The following KCNV2 variants were observed in gnomAD, a reference collection of about 807,000 sequenced individuals.
KCNV2 encodes potassium voltage-gated channel subfamily V member 2.
KCNV2 carries 65 observed loss-of-function variants against 37.0 expected under a neutral mutation model. The observed-to-expected ratio is 1.76, with a 90% CI of 1.44 to 2.16. KCNV2 has a LOEUF of 2.16. KCNV2 is among the 30% of genes most tolerant of loss of function. The pLI, the probability that KCNV2 is intolerant of heterozygous loss-of-function variation, is 0.00. For missense variants in KCNV2, 1,232 were observed against 766.7 expected, an observed-to-expected ratio of 1.61 and a Z score of -7.17; for synonymous variants, 518 against 328.6, an observed-to-expected ratio of 1.58 and a Z score of -6.23.
rs1323360792 is a variant in KCNV2, at chr9:2,729,654, A to C, written c.1565A>C (p.Gln522Pro). 1 of 1,614,160 alleles carries C rather than the reference A, an allele frequency of 6.2e-7. No individual in the cohort carries two copies. The highest frequency in any genetic ancestry group is 1.7e-5 in the Admixed American group (1 of 60,016). ...RRERGEVNFMQRARKKIAECL... is the reference protein window; with the variant it reads ...RRERGEVNFMPRARKKIAECL... The stretch of plus-strand genomic sequence containing the variant: ...GAGAGGGGAGAGGTGAACTTCATGC[A>C]GAGAGCCAGAAAGAAGATAGCTGAG... The change falls in exon 2 of 2, where the codon CAG becomes CCG. Residue 522 changes from glutamine to proline, a missense_variant. Physicochemically the swap from Gln to Pro is moderately conservative, Grantham distance 76 (BLOSUM62 -1). Transcript: ENST00000382082.
At chr9:2,719,128 C>T in intron 1 of KCNV2, 33 bp downstream of exon 1, 1 of 1,601,378 alleles carries the variant, frequency 6.2e-7, no homozygotes, top group African/African-American at 1.3e-5. Flanking sequence ...TTCCCATCCT[C>T]TTCCCCAGCC....
chr9:2,723,797 G>T (rs977872017), intron 1 of KCNV2, among the ~76,000 whole-genome samples: 1 of 152,200 alleles, frequency 6.6e-6, no homozygotes, highest in African/African-American at 2.4e-5. Flanking sequence ...GAGAACTTCT[G>T]AGAGTCCAGA....
Position 2,717,808 on chromosome 9 carries a change from C to CA in KCNV2, c.70dup (p.Ser24LysfsTer29). ...CCTGGAACACGACGGAGAATGAGGG[C>CA]AGCCAACACCGCAGGAGCATTTGCT... On this transcript the variant is annotated frameshift_variant, in exon 1 of 2. Transcript: ENST00000382082. LOFTEE classifies it high-confidence loss of function. The CA allele has an allele frequency of 6.2e-7, 1 of 1,614,222 alleles. No homozygotes were observed. The highest frequency in any genetic ancestry group is 8.5e-7 in the Non-Finnish European group (1 of 1,180,028).
At position 2,718,152 on chromosome 9, in the gene KCNV2, T is replaced by C; in HGVS notation, c.413T>C (p.Leu138Pro). ...ACCAGCCGCAGCCGCCAGCTAAGCC[T>C]GTGCGACGACTACGAGGAGCAGACA... ...TSTSRSRQLS[L>P]CDDYEEQTDE... Residue 138 changes from leucine (L) to proline (P), a missense_variant, in exon 1 of 2, where the codon CTG becomes CCG. By Grantham distance (98) the Leu-to-Pro change is moderately conservative. Coordinates refer to ENST00000382082, the MANE Select transcript of KCNV2 (RefSeq NM_133497.4). The C allele has an allele frequency of 6.2e-7, 1 of 1,611,786 alleles. No individual in the cohort carries two copies. Among genetic ancestry groups the C allele is most frequent in the African/African-American group, 1.3e-5 (1 of 75,040 alleles).
At position 2,729,760 on chromosome 9, in the gene KCNV2, T is replaced by A. The variant is rs1448453604; in HGVS notation, c.*33T>A. ...TAGGACATGTGGCTGGTAGATTCCA[T>A]GAACTTCAAGGCTTCATTGCTCTTT... On this transcript the variant is annotated 3_prime_UTR_variant, in exon 2 of 2. Transcript: ENST00000382082. 6.2e-7 allele frequency: 1 copy of A among 1,607,436 alleles called. No homozygotes were observed. Among genetic ancestry groups the A allele is most frequent in the Non-Finnish European group, 8.5e-7 (1 of 1,174,060 alleles).
chr9:2,722,940 A>G (rs1048771870), intron 1 of KCNV2, among the ~76,000 whole-genome samples: 22 of 152,282 alleles, frequency 1.4e-4, no homozygotes, highest in East Asian at 5.8e-4. Context: ...CAAACACTTC[A>G]TAAGTTTCTT....
Position 2,718,008 on chromosome 9 carries a change from G to A in KCNV2, c.269G>A (p.Ser90Asn). 1 of 1,613,760 alleles carries A rather than the reference G, an allele frequency of 6.2e-7. No homozygotes were observed. Among genetic ancestry groups the A allele is most frequent in the Non-Finnish European group, 8.5e-7 (1 of 1,179,848 alleles). The stretch of plus-strand genomic sequence containing the variant: ...ACCACCGCCAAGCCCGAGGGCCCCA[G>A]CGACCCTCCGGCCCTGCTGTCCACG... ...EVTTAKPEGP[S>N]DPPALLSTLN... Residue 90 changes from serine (S) to asparagine (N), a missense_variant, in exon 1 of 2, where the codon AGC becomes AAC. Ser to Asn is a conservative substitution (Grantham distance 46). Coordinates refer to ENST00000382082, the MANE Select transcript of KCNV2 (RefSeq NM_133497.4).
At chr9:2,728,692 T>C (rs1586692284) in intron 1 of KCNV2, among the ~76,000 whole-genome samples, 1 of 152,114 alleles carries the variant, frequency 6.6e-6, no homozygotes. Context: ...TCACATAAAG[T>C]CTCTCATTTG....
chr9:2,724,151 C>A (rs10967738), intron 1 of KCNV2, among the ~76,000 whole-genome samples: 1 of 151,812 alleles, frequency 6.6e-6, no homozygotes, highest in Non-Finnish European at 1.5e-5. Context: ...CAGGAAACTA[C>A]GGCATGAACT....
rs75316505 is a variant in KCNV2 at position 2,717,738 on chromosome 9, C to A, written c.-2C>A. The stretch of plus-strand genomic sequence containing the variant: ...AAAGCTAGGCGTCCACTTTCCGCAG[C>A]CATGCTCAAACAGAGTGAGAGGAGA... On this transcript the variant is annotated 5_prime_UTR_variant, in exon 1 of 2. Transcript: ENST00000382082. 1.2e-6 allele frequency: 2 copies of A among 1,614,212 alleles called. No homozygotes were observed. The highest frequency in any genetic ancestry group is 1.7e-6 in the Non-Finnish European group (2 of 1,180,032).
intron 1 of KCNV2, among the ~76,000 whole-genome samples, chr9:2,723,348 T>G (rs1393449727): frequency 6.6e-6 from 1 of 152,168 alleles, no homozygotes; most frequent in Non-Finnish European, 1.5e-5. Flanking sequence ...CTGACTTGCT[T>G]TTAATAATCT....
chr9:2,717,873 G>A lies in KCNV2; in HGVS notation c.134G>A (p.Gly45Asp). ...TCCGGCTCCCAGGCCAGCATCCACG[G>A]CTGGACAGAGGGCAACTATAACTAC... ...ARSGSQASIH[G>D]WTEGNYNYYI... Residue 45 changes from glycine to aspartate, a missense_variant, in exon 1 of 2, where the codon GGC (glycine) becomes GAC (aspartate). By Grantham distance (94) the Gly-to-Asp change is moderately conservative (BLOSUM62 -1). Transcript: ENST00000382082. The A allele has an allele frequency of 6.2e-7, 1 of 1,614,198 alleles. No individual in the cohort carries two copies. The highest frequency in any genetic ancestry group is 8.5e-7 in the Non-Finnish European group (1 of 1,180,024).
Position 2,718,460 on chromosome 9 carries a change from C to G in KCNV2, c.721C>G (p.Pro241Ala). ...ELFRDMRFYGPQRRRLWNLME... is the reference protein window; with the variant it reads ...ELFRDMRFYGAQRRRLWNLME... ...CTTCCGCGACATGCGCTTCTACGGC[C>G]CGCAGCGGCGCCGCCTCTGGAACCT... Residue 241 changes from proline to alanine, a missense_variant, in exon 1 of 2, where the codon CCG becomes GCG. Pro to Ala is a conservative substitution (Grantham distance 27). Transcript: ENST00000382082. 1 of 1,608,430 alleles carries G rather than the reference C, an allele frequency of 6.2e-7. No homozygotes were observed. The highest frequency in any genetic ancestry group is 8.5e-7 in the Non-Finnish European group (1 of 1,178,132).
intron 1 of KCNV2, among the ~76,000 whole-genome samples, chr9:2,719,735 C>T (rs1563796686): frequency 6.6e-6 from 1 of 152,238 alleles, no homozygotes; most frequent in Non-Finnish European, 1.5e-5. Flanking sequence ...TGAATGTGGA[C>T]TCACAGCTAG....
At chr9:2,726,949 C>T (rs547774694) in intron 1 of KCNV2, among the ~76,000 whole-genome samples, 4 of 152,064 alleles carry the variant, frequency 2.6e-5, no homozygotes, top group South Asian at 2.1e-4. Context: ...AGTTTCATCC[C>T]GAAACCATCC....
Position 2,718,615 on chromosome 9 carries a change from C to T in KCNV2, c.876C>T (p.Gly292=), listed in dbSNP as rs757804743. The change falls in exon 1 of 2, where the codon GGC becomes GGT. Residue 292 remains glycine (G), a synonymous_variant. Transcript: ENST00000382082. ...VEEMQQHSGQ[G]EGGPDLRPIL... ...AGATGCAGCAGCACTCGGGGCAGGG[C>T]GAGGGCGGCCCAGACCTGCGGCCCA... 73 of 1,612,986 alleles carry T rather than the reference C, an allele frequency of 4.5e-5. No individual in the cohort carries two copies. In the South Asian group the frequency reaches 7.2e-4, roughly 16 times the overall value.
chr9:2,729,731 T>G lies in KCNV2; in HGVS notation c.*4T>G. ...CACCCCAAGACAAGAGAATTAGTAT[T>G]TTATAGGACATGTGGCTGGTAGATT... On this transcript the variant is annotated 3_prime_UTR_variant, in exon 2 of 2. Coordinates refer to ENST00000382082, the MANE Select transcript of KCNV2 (RefSeq NM_133497.4). 2 of 1,613,912 alleles carry G rather than the reference T, an allele frequency of 1.2e-6. No homozygotes were observed. Among genetic ancestry groups the G allele is most frequent in the Non-Finnish European group, 1.7e-6 (2 of 1,179,834 alleles).
chr9:2,717,990 C>T lies in KCNV2; in HGVS notation c.251C>T (p.Ala84Val). Residue 84 changes from alanine to valine, a missense_variant, in exon 1 of 2, where the codon GCC becomes GTC. Ala to Val is a moderately conservative substitution (Grantham distance 64). Transcript: ENST00000382082. Reference protein sequence around the residue: ...EDQQAGEVTTAKPEGPSDPPA... With the variant: ...EDQQAGEVTTVKPEGPSDPPA... ...CAGCAGGCAGGGGAGGTCACCACCG[C>T]CAAGCCCGAGGGCCCCAGCGACCCT... is the stretch of plus-strand genomic sequence containing the variant. 1 of 1,614,160 alleles carries T rather than the reference C, an allele frequency of 6.2e-7. No individual in the cohort carries two copies. Among genetic ancestry groups the T allele is most frequent in the Non-Finnish European group, 8.5e-7 (1 of 1,180,022 alleles).
Position 2,718,753 on chromosome 9 carries a change from G to A in KCNV2, c.1014G>A (p.Val338=), listed in dbSNP as rs774289518. The change falls in exon 1 of 2, where the codon GTG becomes GTA. Residue 338 remains valine (V), a synonymous_variant. Coordinates refer to ENST00000382082, the MANE Select transcript of KCNV2 (RefSeq NM_133497.4). ...RRFARSALNL[V]DLVAILPLYL... Reference sequence around the variant, plus strand: ...TCGCGCGCAGCGCCCTCAACCTGGTGGACCTGGTGGCCATCCTGCCGCTCT... The same window carrying A: ...TCGCGCGCAGCGCCCTCAACCTGGTAGACCTGGTGGCCATCCTGCCGCTCT... The A allele has an allele frequency of 3.7e-6, 6 of 1,611,654 alleles. No homozygotes were observed. The highest frequency in any genetic ancestry group is 1.7e-4 in the Middle Eastern group (1 of 6,060).
Sources: allele counts gnomAD v4.1 joint callset (sites outside exome capture counted in the v4.1 genomes callset), GRCh38; gene constraint gnomAD v4.1.1; transcripts MANE v1.5; gene names NCBI Gene and HGNC (gene_info 2026-07-23, HGNC 2026-07-21).